Variants in ST7 observed in about 807,000 individuals in gnomAD.
The protein encoded by ST7 is suppressor of tumorigenicity 7 protein.
In ST7, 28 loss-of-function variants were observed where a neutral mutation model predicts 78.7. That is an observed-to-expected ratio of 0.36 (90% CI 0.26 to 0.49). The LOEUF (loss-of-function observed/expected upper bound fraction) is 0.49, where lower values mean the gene tolerates loss of function less well. Among genes scored for constraint, ST7 ranks in the 20% least tolerant of loss-of-function variants. The pLI, the probability that ST7 is intolerant of heterozygous loss-of-function variation, is 0.99. For synonymous variants in ST7, 247 were observed against 249.6 expected (o/e 0.99, Z 0.10); for missense variants, 418 against 696.0 (o/e 0.60, Z 4.49).
chr7:117,210,752 C>T (rs1055017187), intron 13 of ST7, among the ~76,000 whole-genome samples: 1 of 152,096 alleles, frequency 6.6e-6, no homozygotes, highest in African/African-American at 2.4e-5. Context: ...AGTGGTGGGG[C>T]TGTTTGAGAG....
chr7:117,141,705 C>A (rs1372503031), intron 9 of ST7, among the ~76,000 whole-genome samples: 1 of 151,862 alleles, frequency 6.6e-6, no homozygotes, highest in Non-Finnish European at 1.5e-5. Context: ...GAGTCTCACT[C>A]TGATGCCCAG....
At position 117,219,190 on chromosome 7, in the gene ST7, C is replaced by T; in HGVS notation, c.1498+14C>T. On this transcript the variant is annotated intron_variant, in intron 14 of 15. Transcript: ENST00000323984. The surrounding 1 kb of genome is among the most constrained non-coding windows in gnomAD (Gnocchi z 5.1). ...AGCTGCTTCCATGTAAGTCTCACCT[C>T]TCTTCAGCCAGTGAGGGTGTGTGGT... 1 of 1,604,428 alleles carries T rather than the reference C, an allele frequency of 6.2e-7. No homozygotes were observed. Among genetic ancestry groups the T allele is most frequent in the Non-Finnish European group, 8.5e-7 (1 of 1,173,264 alleles).
At chr7:117,031,357 T>G in intron 1 of ST7, among the ~76,000 whole-genome samples, 1 of 131,332 alleles carries the variant, frequency 7.6e-6, no homozygotes, top group Non-Finnish European at 1.7e-5. Context: ...AAAATAAATG[T>G]GTGTGTGTGT....
chr7:117,025,912 A>G (rs1796161296), intron 1 of ST7, among the ~76,000 whole-genome samples: 1 of 152,204 alleles, frequency 6.6e-6, no homozygotes, highest in South Asian at 2.1e-4. Flanking sequence ...GAAATGGAGT[A>G]AAAATATGCA....
chr7:117,062,352 C>CT (rs1372483723), intron 1 of ST7, among the ~76,000 whole-genome samples: 2 of 152,174 alleles, frequency 1.3e-5, no homozygotes, highest in Non-Finnish European at 2.9e-5. Flanking sequence ...AGCAGGTACC[C>CT]TATCTTATAC....
chr7:117,108,422 G>A (rs1260129505), intron 2 of ST7, among the ~76,000 whole-genome samples: 1 of 151,982 alleles, frequency 6.6e-6, no homozygotes, highest in East Asian at 1.9e-4. Flanking sequence ...TTTATTTCTG[G>A]GTTCTTCATT....
chr7:117,196,624 C>CTTTTTTTTTTGTT (rs1810332478), intron 12 of ST7, among the ~76,000 whole-genome samples: 1 of 59,504 alleles, frequency 1.7e-5, no homozygotes. Flanking sequence ...GATTGTTGGG[C>CTTTTTTTTTTGTT]TTTTTTTTTT....
intron 9 of ST7, among the ~76,000 whole-genome samples, chr7:117,143,520 CA>C (rs1393821954): frequency 2.6e-5 from 4 of 152,180 alleles, no homozygotes; most frequent in African/African-American, 9.7e-5. Context: ...TTTTAAATAT[CA>C]TCTCAATGAC....
At chr7:117,042,240 A>G (rs1300865330) in intron 1 of ST7, among the ~76,000 whole-genome samples, 1 of 152,234 alleles carries the variant, frequency 6.6e-6, no homozygotes, top group Non-Finnish European at 1.5e-5. Flanking sequence ...AGCTTCTAGT[A>G]GTCTTTTGTA....
intron 1 of ST7, among the ~76,000 whole-genome samples, chr7:117,005,832 A>G (rs1287259266): frequency 2.0e-5 from 3 of 152,228 alleles, no homozygotes; most frequent in Non-Finnish European, 2.9e-5. Context: ...TTTATCTTTA[A>G]TTAGGTATTT....
intron 9 of ST7, among the ~76,000 whole-genome samples, chr7:117,162,584 G>A (rs1584496431): frequency 6.6e-6 from 1 of 151,538 alleles, no homozygotes; most frequent in Admixed American, 6.6e-5. Context: ...GGACTAAACA[G>A]TCTCTAGGGG....
chr7:117,039,554 A>G, intron 1 of ST7, among the ~76,000 whole-genome samples: 1 of 151,888 alleles, frequency 6.6e-6, no homozygotes, highest in East Asian at 1.9e-4. Flanking sequence ...AGCCTGGGCG[A>G]CAGAGTGAGA....
chr7:117,105,821 C>T (rs1232063371), intron 2 of ST7, among the ~76,000 whole-genome samples: 1 of 152,048 alleles, frequency 6.6e-6, no homozygotes, highest in African/African-American at 2.4e-5. Context: ...TCACATGTAC[C>T]CTGAAAATAT....
At chr7:117,039,247 C>G (rs547885427) in intron 1 of ST7, among the ~76,000 whole-genome samples, 1 of 152,078 alleles carries the variant, frequency 6.6e-6, no homozygotes, top group Non-Finnish European at 1.5e-5. Context: ...TTCCTATTAC[C>G]AGGTTATGTT....
chr7:117,078,690 G>C (rs375226943), intron 1 of ST7, among the ~76,000 whole-genome samples: 5 of 152,308 alleles, frequency 3.3e-5, no homozygotes, highest in Admixed American at 2.0e-4. Flanking sequence ...GATAGAACAA[G>C]AAGAGTCATG....
chr7:117,046,612 CTTT>C (rs1179083276), intron 1 of ST7, among the ~76,000 whole-genome samples: 1 of 152,040 alleles, frequency 6.6e-6, no homozygotes, highest in East Asian at 1.9e-4. Context: ...TTCTATTCTT[CTTT>C]GTTTTACCAA....
chr7:117,117,538 T>C (rs1802985400), intron 2 of ST7, among the ~76,000 whole-genome samples: 1 of 152,108 alleles, frequency 6.6e-6, no homozygotes, highest in Non-Finnish European at 1.5e-5. Flanking sequence ...AAGCCATGAA[T>C]CTATTGAGGG....
intron 1 of ST7, among the ~76,000 whole-genome samples, chr7:117,089,734 G>C (rs1436276940): frequency 6.6e-6 from 1 of 151,904 alleles, no homozygotes; most frequent in African/African-American, 2.4e-5. Context: ...ACCACGCCCG[G>C]CTAGTTTTTG....
chr7:117,015,323 A>G (rs1440562540), intron 1 of ST7, among the ~76,000 whole-genome samples: 1 of 152,236 alleles, frequency 6.6e-6, no homozygotes, highest in East Asian at 1.9e-4. Context: ...GATTTAAAGT[A>G]CAAACATCTG....
Sources: allele counts gnomAD v4.1 joint callset (sites outside exome capture counted in the v4.1 genomes callset), GRCh38; gene constraint gnomAD v4.1.1; non-coding constraint Gnocchi (gnomAD v3.1); transcripts MANE v1.5; gene names NCBI Gene and HGNC (gene_info 2026-07-23, HGNC 2026-07-21).